ADARB1: variants seen among roughly 807,000 people sequenced by gnomAD.
ADARB1 encodes adenosine deaminase RNA specific B1.
ADARB1 carries 10 observed loss-of-function variants against 52.4 expected under a neutral mutation model. The ratio of observed to expected loss-of-function variants is 0.19; its 90% CI spans 0.12 to 0.32. The LOEUF is 0.32. Among genes scored for constraint, ADARB1 ranks in the 10% least tolerant of loss-of-function variants. ADARB1 has a pLI of 1.00. For synonymous variants in ADARB1, 349 were observed against 371.1 expected, an observed-to-expected ratio of 0.94 and a Z score of 0.68; for missense variants, 643 against 922.3, an observed-to-expected ratio of 0.70 and a Z score of 3.92.
At chr21:45,182,345 A>G (rs2091959290) in intron 5 of ADARB1, among the ~76,000 whole-genome samples, 1 of 152,212 alleles carries the variant, frequency 6.6e-6, no homozygotes, top group Non-Finnish European at 1.5e-5. Flanking sequence ...ACACTAAGCA[A>G]TGACGATGGT....
At chr21:45,133,360 A>G (rs1264636828) in intron 2 of ADARB1, among the ~76,000 whole-genome samples, 1 of 152,200 alleles carries the variant, frequency 6.6e-6, no homozygotes, top group Non-Finnish European at 1.5e-5. Context: ...TTTGCCTCTC[A>G]AGGCGTATAG....
In ADARB1 at chr21:45,151,359, T is replaced by C. The variant is rs559667561; in HGVS notation, c.-47-20251T>C. Among the ~76,000 whole-genome samples, 6 of 152,394 alleles carry C rather than the reference T, an allele frequency of 3.9e-5. No individual in the cohort carries two copies. In the East Asian group the frequency reaches 1.2e-3, roughly 29 times the overall value. On this transcript the variant is annotated intron_variant, in intron 2 of 10. Coordinates refer to ENST00000348831, the MANE Select transcript of ADARB1 (RefSeq NM_001112.4). ...TATGGCATAATTTCCTTAGGTGCCA[T>C]GTGCAGTTGTCACAAGCATTGCACT...
intron 1 of ADARB1, among the ~76,000 whole-genome samples, chr21:45,076,109 G>T (rs2085923930): frequency 6.6e-6 from 1 of 152,178 alleles, no homozygotes; most frequent in Non-Finnish European, 1.5e-5. Flanking sequence ...AAAGCTAATT[G>T]TCTTTTGATG....
Position 45,223,223 on chromosome 21 carries a change from G to A in ADARB1, c.*1026G>A. On this transcript the variant is annotated 3_prime_UTR_variant, in exon 11 of 11. Coordinates refer to ENST00000348831, the MANE Select transcript of ADARB1 (RefSeq NM_001112.4). ...ATACTCATTCTTGGAAAATGCCATA[G>A]TTTTAAATTATTGTTTCCAGCTTTA... 1 of 985,468 alleles carries A rather than the reference G, an allele frequency of 1.0e-6. No individual in the cohort carries two copies. Among genetic ancestry groups the A allele is most frequent in the Non-Finnish European group, 1.2e-6 (1 of 829,940 alleles). The allele number at this position is 985,468 out of a possible 1,614,324, so 61.0% of individuals were successfully genotyped here. A position where few individuals can be genotyped will look rare whatever the true frequency, so the allele number is the denominator to read the frequency against.
intron 1 of ADARB1, among the ~76,000 whole-genome samples, chr21:45,099,770 A>G (rs1224003372): frequency 1.3e-5 from 2 of 152,222 alleles, no homozygotes; most frequent in Non-Finnish European, 2.9e-5. Flanking sequence ...AAGTGTTCAC[A>G]TGCTGTTCTG....
rs923106079 is a variant in ADARB1 at position 45,208,608 on chromosome 21, G to A, written c.1747+3872G>A. Among the ~76,000 whole-genome samples the A allele has an allele frequency of 8.5e-5, 12 of 141,130 alleles. No individual in the cohort carries two copies. Among genetic ancestry groups the A allele is most frequent in the Non-Finnish European group, 1.3e-4 (8 of 61,780 alleles). 92.6% of individuals were successfully genotyped at this position (141,130 alleles called of 152,430 possible). A position where few individuals can be genotyped will look rare whatever the true frequency, so the allele number is the denominator to read the frequency against. ...ACATCACTGTGAGAGTGTGGAAAGTGTGTGTGTGTATGTGTGCGTGTGTGT... is the reference window on the plus strand; with the variant it reads ...ACATCACTGTGAGAGTGTGGAAAGTATGTGTGTGTATGTGTGCGTGTGTGT... On this transcript the variant is annotated intron_variant, in intron 9 of 10. Transcript: ENST00000348831. The surrounding 1 kb of genome is among the most constrained non-coding windows in gnomAD (Gnocchi z 5.6).
intron 1 of ADARB1, among the ~76,000 whole-genome samples, chr21:45,086,490 T>A (rs1297570569): frequency 6.6e-6 from 1 of 152,170 alleles, no homozygotes; most frequent in Non-Finnish European, 1.5e-5. Context: ...TGCAGTTGAT[T>A]CGCGCACCCA....
chr21:45,075,707 A>G (rs1318020124), intron 1 of ADARB1, among the ~76,000 whole-genome samples: 1 of 152,202 alleles, frequency 6.6e-6, no homozygotes, highest in African/African-American at 2.4e-5. Flanking sequence ...TACACGCTGG[A>G]AAACCTAACC....
At chr21:45,094,575 A>C (rs918144336) in intron 1 of ADARB1, among the ~76,000 whole-genome samples, 9 of 152,056 alleles carry the variant, frequency 5.9e-5, no homozygotes, top group African/African-American at 2.2e-4. Context: ...CCCGAGCACT[A>C]TGTCTGCTTG....
chr21:45,208,259 C>G lies in ADARB1; in HGVS notation c.1747+3523C>G, dbSNP rs1424902007. 6.6e-6 allele frequency among the ~76,000 whole-genome samples: 1 copy of G among 152,188 alleles called. No individual in the cohort carries two copies. The highest frequency in any genetic ancestry group is 1.5e-5 in the Non-Finnish European group (1 of 68,042). Reference sequence around the variant, plus strand: ...TGCCCAAATGCCGCATGCGATGGCTCTGGGGACCTTGTTGACAGACAGCCT... The same window carrying G: ...TGCCCAAATGCCGCATGCGATGGCTGTGGGGACCTTGTTGACAGACAGCCT... On this transcript the variant is annotated intron_variant, in intron 9 of 10. Transcript: ENST00000348831. This position sits in a 1 kb window ranked among gnomAD's most constrained non-coding sequence, Gnocchi z 5.6.
At chr21:45,209,797 A>T (rs1009793471) in intron 9 of ADARB1, among the ~76,000 whole-genome samples, 17 of 152,166 alleles carry the variant, frequency 1.1e-4, no homozygotes, top group African/African-American at 3.6e-4. Flanking sequence ...TGGATTGTTG[A>T]GTCTTCACTT....
chr21:45,084,258 A>G (rs537149796), intron 1 of ADARB1, among the ~76,000 whole-genome samples: 66 of 152,258 alleles, frequency 4.3e-4, no homozygotes, highest in Non-Finnish European at 7.2e-4. Context: ...AATACTCATC[A>G]TAGAACCTAT....
intron 1 of ADARB1, among the ~76,000 whole-genome samples, chr21:45,110,218 G>C (rs1488143115): frequency 6.6e-6 from 1 of 152,194 alleles, no homozygotes; most frequent in Non-Finnish European, 1.5e-5. Context: ...ACCATTTTCA[G>C]TCATGCTTGG....
intron 2 of ADARB1, among the ~76,000 whole-genome samples, chr21:45,150,244 A>G (rs1354113587): frequency 6.6e-6 from 1 of 152,242 alleles, no homozygotes; most frequent in Admixed American, 6.5e-5. Context: ...GCTGCATTCC[A>G]GCCTGGGCAA....
chr21:45,144,938 A>G (rs2089934776), intron 2 of ADARB1: 1 of 182,500 alleles, frequency 5.5e-6, no homozygotes, highest in African/African-American at 2.4e-5. Flanking sequence ...GGAAAAAACC[A>G]AATGATCTCT....
Position 45,180,345 on chromosome 21 carries a change from G to A in ADARB1, c.979G>A (p.Val327Ile). 1 of 1,614,066 alleles carries A rather than the reference G, an allele frequency of 6.2e-7. No homozygotes were observed. ...LHLPQVLADA[V>I]SRLVLGKFGD... The stretch of plus-strand genomic sequence containing the variant: ...TCCCACACAGGTTTTAGCTGACGCT[G>A]TCTCACGCCTGGTCCTGGGTAAGTT... The change falls in exon 5 of 11, where the codon GTC becomes ATC. Residue 327 changes from valine to isoleucine, a missense_variant. Physicochemically the swap from Val to Ile is conservative, Grantham distance 29. Transcript: ENST00000348831.
At chr21:45,116,748 T>G (rs758908577) in intron 1 of ADARB1, among the ~76,000 whole-genome samples, 11 of 152,102 alleles carry the variant, frequency 7.2e-5, no homozygotes, top group Non-Finnish European at 1.5e-4. Context: ...CCGTGAGAAC[T>G]CACTCACTAT....
chr21:45,123,617 T>A (rs1011772622), intron 1 of ADARB1, among the ~76,000 whole-genome samples: 3 of 152,120 alleles, frequency 2.0e-5, no homozygotes, highest in Non-Finnish European at 2.9e-5. Context: ...TTGTTTGTTT[T>A]TGAGACAGTG....
intron 6 of ADARB1, among the ~76,000 whole-genome samples, 179 bp from the exon 7 acceptor site, chr21:45,183,183 T>C (rs2091987910): frequency 6.6e-6 from 1 of 152,248 alleles, no homozygotes; most frequent in South Asian, 2.1e-4. Flanking sequence ...ACTCACATCC[T>C]GATGACATAT....
Sources: allele counts gnomAD v4.1 joint callset (sites outside exome capture counted in the v4.1 genomes callset), GRCh38; gene constraint gnomAD v4.1.1; non-coding constraint Gnocchi (gnomAD v3.1); transcripts MANE v1.5; gene names NCBI Gene and HGNC (gene_info 2026-07-23, HGNC 2026-07-21).